The following ESR2 variants were observed in gnomAD, a reference collection of about 807,000 sequenced individuals.
The protein encoded by ESR2 is estrogen receptor beta.
ESR2 carries 36 observed loss-of-function variants against 49.6 expected under a neutral mutation model. The observed-to-expected ratio is 0.73, with a 90% CI of 0.56 to 0.96. ESR2 has a LOEUF of 0.96. Among genes scored for constraint, ESR2 ranks in the 40% least tolerant of loss-of-function variants. The pLI is 0.00. For synonymous variants in ESR2, 320 were observed against 266.1 expected, an observed-to-expected ratio of 1.20 and a Z score of -1.97; for missense variants, 714 against 693.0, an observed-to-expected ratio of 1.03 and a Z score of -0.34.
intron 2 of ESR2, 22 bp from the exon 3 acceptor site, chr14:64,280,175 C>T (rs779154332): frequency 2.5e-6 from 4 of 1,599,676 alleles, no homozygotes; most frequent in South Asian, 1.1e-5. Context: ...AGAAAATATC[C>T]ATTGAACAGA....
intron 1 of ESR2, among the ~76,000 whole-genome samples, chr14:64,293,474 TG>T (rs1423363734): frequency 6.6e-6 from 1 of 152,228 alleles, no homozygotes; most frequent in Non-Finnish European, 1.5e-5. Flanking sequence ...GACATTCACT[TG>T]ACTTAATATT....
intron 7 of ESR2, 31 bp from the exon 8 acceptor site, chr14:64,235,181 GCT>G (rs2098731420): frequency 1.3e-6 from 2 of 1,598,190 alleles, no homozygotes; most frequent in African/African-American, 2.7e-5. Context: ...AGAAGTCATT[GCT>G]CTGAGCAAAG....
At chr14:64,261,237 T>TC (rs1168878498) in intron 4 of ESR2, among the ~76,000 whole-genome samples, 2 of 97,200 alleles carry the variant, frequency 2.1e-5, no homozygotes, top group African/African-American at 3.5e-5. Flanking sequence ...TTTTTCTTTT[T>TC]TCTTTTTTTT....
At chr14:64,262,410 C>T (rs528757657) in intron 4 of ESR2, among the ~76,000 whole-genome samples, 1 of 152,170 alleles carries the variant, frequency 6.6e-6, no homozygotes, top group South Asian at 2.1e-4. Context: ...CCACCACATC[C>T]GGCCCAAGAA....
intron 1 of ESR2, among the ~76,000 whole-genome samples, chr14:64,317,551 C>G (rs921101803): frequency 1.3e-5 from 2 of 152,148 alleles, no homozygotes; most frequent in South Asian, 4.1e-4. Flanking sequence ...ATCGTGAGGA[C>G]AGCACCAAGC....
At chr14:64,235,226 G>T in intron 7 of ESR2, 76 bp from the exon 8 acceptor site, 1 of 1,496,750 alleles carries the variant, frequency 6.7e-7, no homozygotes. Flanking sequence ...TGTTCCGTGC[G>T]CCTGCTCCGA....
chr14:64,281,747 G>C (rs1345899825), intron 2 of ESR2, among the ~76,000 whole-genome samples: 1 of 152,124 alleles, frequency 6.6e-6, no homozygotes, highest in Non-Finnish European at 1.5e-5. Context: ...TGCATTTAAA[G>C]AGTACACATA....
chr14:64,291,253 A>C (rs1267552327), intron 1 of ESR2, among the ~76,000 whole-genome samples: 1 of 152,190 alleles, frequency 6.6e-6, no homozygotes, highest in Non-Finnish European at 1.5e-5. Flanking sequence ...TCTGGCTTTG[A>C]GGAAACATAT....
chr14:64,279,390 TA>T lies in ESR2; in HGVS notation c.535+590del, dbSNP rs141837265. ...GATTCTTTTCATCAACAAGTTGATT[TA>T]AAAAAAAAAATCCAGAAGGCGTTTA... is the stretch of plus-strand genomic sequence containing the variant. On this transcript the variant is annotated intron_variant, in intron 3 of 8. Coordinates refer to ENST00000341099, the MANE Select transcript of ESR2 (RefSeq NM_001437.3). 5.2e-4 allele frequency among the ~76,000 whole-genome samples: 78 copies of T among 148,808 alleles called. 1 individual carries two copies. The highest frequency in any genetic ancestry group is 4.0e-3 in the South Asian group (19 of 4,716).
At chr14:64,280,828 G>A (rs1281480743) in intron 2 of ESR2, among the ~76,000 whole-genome samples, 2 of 152,126 alleles carry the variant, frequency 1.3e-5, no homozygotes, top group Non-Finnish European at 2.9e-5. Context: ...TGGCCAACAA[G>A]GTGAAACCCT....
intron 1 of ESR2, among the ~76,000 whole-genome samples, chr14:64,325,510 A>G (rs1287298386): frequency 6.6e-6 from 1 of 152,238 alleles, no homozygotes; most frequent in East Asian, 1.9e-4. Flanking sequence ...TAGTGAGAAA[A>G]GTTAAGAAAA....
Position 64,234,999 on chromosome 14 carries a change from C to G in ESR2, c.1377G>C (p.Leu459=), listed in dbSNP as rs1407137456. 4 of 1,614,096 alleles carry G rather than the reference C, an allele frequency of 2.5e-6. No individual in the cohort carries two copies. Among genetic ancestry groups the G allele is most frequent in the Non-Finnish European group, 3.4e-6 (4 of 1,180,038 alleles). The change falls in exon 8 of 9, where the codon CTG becomes CTC. Residue 459 remains leucine (L), a synonymous_variant. Coordinates refer to ENST00000341099, the MANE Select transcript of ESR2 (RefSeq NM_001437.3). ...CATGCCTGACGTGGGACAGGAGCAT[C>G]AGGAGGTTAGCCAGGCGCATGGATT... ...QQQSMRLANL[L]MLLSHVRHAS... is the part of the protein sequence containing the mutation.
chr14:64,328,051 C>CAAAAA (rs748229456), intron 1 of ESR2, among the ~76,000 whole-genome samples: 3 of 87,140 alleles, frequency 3.4e-5, no homozygotes, highest in East Asian at 3.4e-4. Context: ...ACTAAAAATA[C>CAAAAA]AAAAAAAAAA....
intron 8 of ESR2, 194 bp from the exon 9 acceptor site, chr14:64,233,517 G>T (rs1385390642): frequency 1.7e-6 from 1 of 571,882 alleles, no homozygotes; most frequent in Admixed American, 3.0e-5. Context: ...ACGATGTCTT[G>T]TCAGCCTCTG....
At chr14:64,291,230 CA>C (rs141984531) in intron 1 of ESR2, among the ~76,000 whole-genome samples, 5,929 of 152,276 alleles carry the variant, frequency 0.039, 187 homozygotes, top group Non-Finnish European at 0.062. Flanking sequence ...AATTTACTAA[CA>C]AAATGCTGCA....
In ESR2 at chr14:64,232,214, G is replaced by A. The variant is rs1256065; in HGVS notation, c.*923C>T. On this transcript the variant is annotated 3_prime_UTR_variant, in exon 9 of 9. Coordinates refer to ENST00000341099, the MANE Select transcript of ESR2 (RefSeq NM_001437.3). ...CCCTGACTACTTGTGGTGACTGATG[G>A]GGCAATTGTGGCTGCTACTTATGAG... 6.6e-6 allele frequency: 1 copy of A among 151,966 alleles called. No individual in the cohort carries two copies. The highest frequency in any genetic ancestry group is 1.5e-5 in the Non-Finnish European group (1 of 67,976). 9.4% of individuals were successfully genotyped at this position (151,966 alleles called of 1,614,324 possible). A position where few individuals can be genotyped will look rare whatever the true frequency, so the allele number is the denominator to read the frequency against.
intron 7 of ESR2, among the ~76,000 whole-genome samples, chr14:64,246,107 C>A (rs976651389): frequency 2.0e-5 from 3 of 152,154 alleles, no homozygotes; most frequent in African/African-American, 7.2e-5. Context: ...CTTTGGGAGG[C>A]CAAGGTGGGC....
Position 64,235,204 on chromosome 14 carries a change from C to A in ESR2, c.1226-54G>T. On this transcript the variant is annotated intron_variant, in intron 7 of 8. Transcript: ENST00000341099. ...TTGCTCTGAGCAAAGGAGCAGAAGT[C>A]GTGTGCTCAGCTGTTCCGTGCGCCT... 5 of 1,576,114 alleles carry A rather than the reference C, an allele frequency of 3.2e-6. No homozygotes were observed. The South Asian group carries it at 5.6e-5, about 18-fold the overall frequency.
Position 64,282,988 on chromosome 14 carries a change from C to A in ESR2, c.-3G>T, listed in dbSNP as rs754382190. ...GATGGTGAGTTTTTTATATCCATGTCTTGAGATAACAGCTGAGAAAACACC... is the reference window on the plus strand; with the variant it reads ...GATGGTGAGTTTTTTATATCCATGTATTGAGATAACAGCTGAGAAAACACC... On this transcript the variant is annotated 5_prime_UTR_variant, in exon 2 of 9. Transcript: ENST00000341099. 2.3e-5 allele frequency: 37 copies of A among 1,608,390 alleles called. No homozygotes were observed. Among genetic ancestry groups the A allele is most frequent in the Non-Finnish European group, 3.1e-5 (37 of 1,176,662 alleles).
Sources: allele counts gnomAD v4.1 joint callset (sites outside exome capture counted in the v4.1 genomes callset), GRCh38; gene constraint gnomAD v4.1.1; transcripts MANE v1.5; gene names NCBI Gene and HGNC (gene_info 2026-07-23, HGNC 2026-07-21).